The following SLC47A1 variants were observed in gnomAD, a reference collection of about 807,000 sequenced individuals.
The protein encoded by SLC47A1 is multidrug and toxin extrusion protein 1.
In SLC47A1, 58 loss-of-function variants were observed where a neutral mutation model predicts 65.8. The observed-to-expected ratio is 0.88, with a 90% confidence interval of 0.71 to 1.10. The LOEUF is 1.10. Ranked by LOEUF, SLC47A1 falls within the 50% of genes least tolerant of loss-of-function variation. SLC47A1 has a pLI of 0.00. For synonymous variants in SLC47A1, 285 were observed against 295.0 expected, an observed-to-expected ratio of 0.97 and a Z score of 0.35; for missense variants, 706 against 719.2, an observed-to-expected ratio of 0.98 and a Z score of 0.21.
chr17:19,571,125 GTTGGTC>G (rs1314619204), intron 14 of SLC47A1: 1 of 165,296 alleles, frequency 6.0e-6, no homozygotes, highest in Non-Finnish European at 1.3e-5. Context: ...GGCAGAAGTA[GTTGGTC>G]CTGGGAAATT....
At chr17:19,550,428 A>G (rs773350625) in intron 5 of SLC47A1, among the ~76,000 whole-genome samples, 26 of 151,542 alleles carry the variant, frequency 1.7e-4, no homozygotes, top group Non-Finnish European at 3.7e-4. Flanking sequence ...TGATCCTCCC[A>G]CCTCAGCCTC....
At chr17:19,571,149 C>T (rs1273256820) in intron 14 of SLC47A1, 1 of 183,146 alleles carries the variant, frequency 5.5e-6, no homozygotes, top group Non-Finnish European at 1.1e-5. Flanking sequence ...ATTTTAATTT[C>T]CTTATAACTG....
intron 1 of SLC47A1, among the ~76,000 whole-genome samples, chr17:19,541,473 A>G (rs1176515276): frequency 6.6e-6 from 1 of 152,196 alleles, no homozygotes; most frequent in Non-Finnish European, 1.5e-5. Context: ...ATGCAGTGAA[A>G]GCACTGTGGA....
chr17:19,561,528 A>T (rs1216861167), intron 12 of SLC47A1, among the ~76,000 whole-genome samples: 1 of 151,624 alleles, frequency 6.6e-6, no homozygotes, highest in Non-Finnish European at 1.5e-5. Flanking sequence ...CTGTAGTCCC[A>T]GCTACTTGGG....
intron 16 of SLC47A1, among the ~76,000 whole-genome samples, chr17:19,574,259 G>A (rs1295127110): frequency 3.9e-5 from 6 of 152,104 alleles, no homozygotes; most frequent in Non-Finnish European, 4.4e-5. Flanking sequence ...GCCCTTTGGG[G>A]TTCTAACCAC....
chr17:19,538,969 G>A (rs1025445616), intron 1 of SLC47A1, among the ~76,000 whole-genome samples: 40 of 152,336 alleles, frequency 2.6e-4, no homozygotes, highest in African/African-American at 9.6e-4. Flanking sequence ...GGGTCTCGCT[G>A]TGTCACCCAG....
At position 19,573,352 on chromosome 17, in the gene SLC47A1, T is replaced by A. The variant is rs552149031; in HGVS notation, c.1486+491T>A. 3.3e-4 allele frequency among the ~76,000 whole-genome samples: 51 copies of A among 152,298 alleles called. 1 individual carries two copies. Among genetic ancestry groups the A allele is most frequent in the Admixed American group, 1.6e-3 (24 of 15,294 alleles). ...GTTAGCCACCCACTCTCAGTAACCC[T>A]TGCTCCTTTATAATTTAAACACTTT... On this transcript the variant is annotated intron_variant, in intron 16 of 16. Coordinates refer to ENST00000270570, the MANE Select transcript of SLC47A1 (RefSeq NM_018242.3).
intron 1 of SLC47A1, among the ~76,000 whole-genome samples, chr17:19,540,877 C>CACACACACACACACACACA (rs59709153): frequency 6.7e-6 from 1 of 148,550 alleles, no homozygotes; most frequent in African/African-American, 2.5e-5. Flanking sequence ...CACACACACA[C>CACACACACACACACACACA]CCCTAGGGTT....
Position 19,551,484 on chromosome 17 carries a change from C to G in SLC47A1, c.543+16C>G. On this transcript the variant is annotated intron_variant, in intron 6 of 16. Coordinates refer to ENST00000270570, the MANE Select transcript of SLC47A1 (RefSeq NM_018242.3). ...GCTCAACCAGGTAATACTGACTGTT[C>G]TCTTCCTTTGGGAGGCTAATGGGAG... 6.2e-7 allele frequency: 1 copy of G among 1,607,498 alleles called. No individual in the cohort carries two copies. The highest frequency in any genetic ancestry group is 8.5e-7 in the Non-Finnish European group (1 of 1,173,990).
chr17:19,568,803 C>T (rs969867228), intron 14 of SLC47A1, among the ~76,000 whole-genome samples: 1 of 152,068 alleles, frequency 6.6e-6, no homozygotes, highest in Non-Finnish European at 1.5e-5. Context: ...CCCATGCCCT[C>T]CCCTCCTTGC....
intron 10 of SLC47A1, among the ~76,000 whole-genome samples, chr17:19,558,640 T>G (rs2084283964): frequency 6.6e-6 from 1 of 152,028 alleles, no homozygotes; most frequent in South Asian, 2.1e-4. Context: ...AAATTTGGTC[T>G]TGTTATGTTG....
At chr17:19,574,918 G>C (rs536437647) in intron 16 of SLC47A1, among the ~76,000 whole-genome samples, 2 of 152,332 alleles carry the variant, frequency 1.3e-5, no homozygotes, top group African/African-American at 4.8e-5. Context: ...TTACAGGCGT[G>C]AGCCACCACA....
At chr17:19,567,001 A>G (rs533635943) in intron 13 of SLC47A1, 95 bp from the exon 14 acceptor site, 18 of 1,598,820 alleles carry the variant, frequency 1.1e-5, no homozygotes, top group South Asian at 3.3e-5. Context: ...TCACCTTACC[A>G]TGGATTTTAG....
intron 1 of SLC47A1, among the ~76,000 whole-genome samples, chr17:19,536,255 A>ATAG (rs901726664): frequency 2.7e-5 from 4 of 148,940 alleles, no homozygotes; most frequent in African/African-American, 4.9e-5. Flanking sequence ...TAGTATAGCA[A>ATAG]TAATAATAAT....
At position 19,577,539 on chromosome 17, in the gene SLC47A1, G is replaced by A. The variant is rs748304968; in HGVS notation, c.1699G>A (p.Val567Ile). The A allele has an allele frequency of 1.2e-6, 2 of 1,614,100 alleles. No individual in the cohort carries two copies. The highest frequency in any genetic ancestry group is 2.2e-5 in the South Asian group (2 of 91,070). Residue 567 changes from valine to isoleucine, a missense_variant, in exon 17 of 17, where the codon GTC becomes ATC. Transcript: ENST00000270570. ...GGTGGGGATTTTAGTGAGATTCTAT[G>A]TCAGAATTCAGTGACGTGGTAGGAA... ...LLVGILVRFY[V>I]RIQ
chr17:19,572,826 G>T lies in SLC47A1; in HGVS notation c.1451G>T (p.Gly484Val). 1 of 1,614,128 alleles carries T rather than the reference G, an allele frequency of 6.2e-7. No individual in the cohort carries two copies. Among genetic ancestry groups the T allele is most frequent in the Non-Finnish European group, 8.5e-7 (1 of 1,180,036 alleles). ...NLKVNNVPRS[G>V]NSALPQDPLH... ...AAAGTAAACAACGTGCCTCGGAGTG[G>T]GAATTCTGCTCTCCCTCAGGATCCG... Residue 484 changes from glycine (G) to valine (V), a missense_variant, in exon 16 of 17, where the codon GGG becomes GTG. Physicochemically the swap from Gly to Val is moderately radical, Grantham distance 109 (BLOSUM62 -3). Transcript: ENST00000270570.
chr17:19,560,256 G>A lies in SLC47A1; in HGVS notation c.990G>A (p.Glu330=), dbSNP rs750848714. 1 of 1,613,762 alleles carries A rather than the reference G, an allele frequency of 6.2e-7. No individual in the cohort carries two copies. Among genetic ancestry groups the A allele is most frequent in the East Asian group, 2.2e-5 (1 of 44,878 alleles). ...ACGCTCTGGGTGCTGGAGACATGGA[G>A]CAGGCACGGAAGTCCTCTACCGTTT... ...VGNALGAGDM[E]QARKSSTVSL... The change falls in exon 11 of 17, where the codon GAG becomes GAA. Residue 330 remains glutamate (E), a synonymous_variant. Transcript: ENST00000270570.
chr17:19,547,716 C>CTTTT (rs1180263887), intron 3 of SLC47A1, among the ~76,000 whole-genome samples: 1,227 of 68,332 alleles, frequency 0.018, 3 homozygotes, highest in Non-Finnish European at 0.02. Flanking sequence ...CCATGGGCTT[C>CTTTT]TTTTTTTTTT....
chr17:19,577,209 A>G (rs2084447502), intron 16 of SLC47A1, 118 bp from the exon 17 acceptor site: 2 of 1,361,310 alleles, frequency 1.5e-6, no homozygotes, highest in South Asian at 1.5e-5. Context: ...CACTGTAGCA[A>G]TAGTGTCCTG....
Sources: allele counts gnomAD v4.1 joint callset (sites outside exome capture counted in the v4.1 genomes callset), GRCh38; gene constraint gnomAD v4.1.1; transcripts MANE v1.5; gene names NCBI Gene and HGNC (gene_info 2026-07-23, HGNC 2026-07-21).